The following ZNF280D variants were observed in gnomAD, a reference collection of about 807,000 sequenced individuals.
ZNF280D encodes zinc finger protein 280D.
Under a neutral mutation model 94.7 loss-of-function variants are expected in ZNF280D, and 39 were observed. The ratio of observed to expected loss-of-function variants is 0.41; its 90% confidence interval spans 0.32 to 0.54. The LOEUF is 0.54. ZNF280D is among the 20% of genes least tolerant of loss of function. The pLI is 0.22. For synonymous variants in ZNF280D, 398 were observed against 377.6 expected, an observed-to-expected ratio of 1.05 and a Z score of -0.63; for missense variants, 1,090 against 1,149.3, an observed-to-expected ratio of 0.95 and a Z score of 0.75.
intron 16 of ZNF280D, among the ~76,000 whole-genome samples, chr15:56,665,863 C>A (rs561084238): frequency 6.6e-6 from 1 of 152,280 alleles, no homozygotes; most frequent in African/African-American, 2.4e-5. Context: ...CAGCCGGGTG[C>A]AATGGCTCAT....
chr15:56,656,761 A>G (rs575674505), intron 17 of ZNF280D, among the ~76,000 whole-genome samples: 5 of 152,324 alleles, frequency 3.3e-5, no homozygotes, highest in African/African-American at 9.6e-5. Flanking sequence ...AACCACACAC[A>G]ATATAGTGAG....
At chr15:56,693,793 T>A (rs2056565115) in intron 6 of ZNF280D, among the ~76,000 whole-genome samples, 1 of 152,232 alleles carries the variant, frequency 6.6e-6, no homozygotes, top group East Asian at 1.9e-4. Flanking sequence ...TAAGGATGAA[T>A]ATATCACATA....
chr15:56,728,907 C>G (rs1183343326), intron 1 of ZNF280D, among the ~76,000 whole-genome samples: 13 of 152,088 alleles, frequency 8.5e-5, no homozygotes, highest in Admixed American at 8.5e-4. Context: ...ATGTTCTGTG[C>G]ATATTTGAGG....
intron 16 of ZNF280D, 30 bp downstream of exon 16, chr15:56,666,365 T>C (rs759855121): frequency 1.3e-5 from 21 of 1,594,992 alleles, no homozygotes; most frequent in East Asian, 4.6e-5. Flanking sequence ...ATAATTTTAA[T>C]TGGCAATTTA....
intron 13 of ZNF280D, among the ~76,000 whole-genome samples, chr15:56,674,177 A>C (rs2055061373): frequency 6.6e-6 from 1 of 152,042 alleles, no homozygotes; most frequent in Non-Finnish European, 1.5e-5. Flanking sequence ...AATGCATGTG[A>C]GTAGCATGTA....
Position 56,654,396 on chromosome 15 carries a change from A to G in ZNF280D, c.2165T>C (p.Val722Ala), listed in dbSNP as rs150058988. ...SQHKTHTCQVVMQKVSVCIPT... is the reference protein window; with the variant it reads ...SQHKTHTCQVAMQKVSVCIPT... ...TTACATATACGTACCTTTCTGCATT[A>G]CAACTTGGCAAGTATGAGTTTTATG... The change falls in exon 18 of 22, where the codon GTA becomes GCA. Residue 722 changes from valine (V) to alanine (A), a missense_variant. Transcript: ENST00000267807. 10 of 1,605,184 alleles carry G rather than the reference A, an allele frequency of 6.2e-6. No individual in the cohort carries two copies. The highest frequency in any genetic ancestry group is 8.5e-6 in the Non-Finnish European group (10 of 1,177,838).
At chr15:56,677,739 A>G (rs1323992130) in intron 11 of ZNF280D, 65 bp from the exon 12 acceptor site, 1 of 567,910 alleles carries the variant, frequency 1.8e-6, no homozygotes, top group East Asian at 4.8e-5. Flanking sequence ...AATTTTATAC[A>G]TCTATATCAA....
At chr15:56,721,151 CG>C (rs1421249700) in intron 1 of ZNF280D, among the ~76,000 whole-genome samples, 3 of 151,936 alleles carry the variant, frequency 2.0e-5, no homozygotes, top group Non-Finnish European at 4.4e-5. Context: ...TTAGTAGAGA[CG>C]GGGGTTTCAC....
In ZNF280D at chr15:56,689,387, C is replaced by T. The variant is rs774201353; in HGVS notation, c.583G>A (p.Glu195Lys). The T allele has an allele frequency of 4.9e-5, 79 of 1,609,632 alleles. No homozygotes were observed. In the Middle Eastern group the frequency reaches 5.0e-4, roughly 10 times the overall value. ...NVNPKKPKPSESVSGANSSAV... is the reference protein window; with the variant it reads ...NVNPKKPKPSKSVSGANSSAV... ...GAGGAATTTGCTCCAGAAACACTTTCGCTGGGTTTAGGCTTCTTTGGATTA... is the reference window on the plus strand; with the variant it reads ...GAGGAATTTGCTCCAGAAACACTTTTGCTGGGTTTAGGCTTCTTTGGATTA... Residue 195 changes from glutamate to lysine, a missense_variant, in exon 8 of 22, where the codon GAA becomes AAA. Glu to Lys is a moderately conservative substitution (Grantham distance 56). Coordinates refer to ENST00000267807, the MANE Select transcript of ZNF280D (RefSeq NM_017661.4).
intron 19 of ZNF280D, 173 bp from the exon 20 acceptor site, chr15:56,643,170 G>A (rs1048226879): frequency 1.0e-5 from 4 of 400,548 alleles, no homozygotes; most frequent in Non-Finnish European, 1.8e-5. Flanking sequence ...AAAGTTAAAC[G>A]TATGAGACTA....
At chr15:56,647,016 T>C (rs1224101865) in intron 19 of ZNF280D, among the ~76,000 whole-genome samples, 1 of 152,074 alleles carries the variant, frequency 6.6e-6, no homozygotes, top group Non-Finnish European at 1.5e-5. Context: ...AGCAAAGTAG[T>C]CCAAGATGAA....
intron 16 of ZNF280D, among the ~76,000 whole-genome samples, chr15:56,663,470 G>T (rs1200083055): frequency 6.6e-6 from 1 of 151,982 alleles, no homozygotes; most frequent in Non-Finnish European, 1.5e-5. Context: ...GAGAAAATCA[G>T]GCTTCTGTAT....
At chr15:56,639,158 C>T (rs2052498981) in intron 20 of ZNF280D, among the ~76,000 whole-genome samples, 1 of 151,200 alleles carries the variant, frequency 6.6e-6, no homozygotes, top group Non-Finnish European at 1.5e-5. Flanking sequence ...TAAAAAGTTA[C>T]AGAGCTCTTC....
intron 19 of ZNF280D, among the ~76,000 whole-genome samples, chr15:56,652,106 T>C (rs2053242702): frequency 6.6e-6 from 1 of 151,012 alleles, no homozygotes; most frequent in Non-Finnish European, 1.5e-5. Flanking sequence ...CTTGCGGAGA[T>C]TTTGGAAAAC....
chr15:56,726,859 G>C (rs2058653375), intron 1 of ZNF280D, among the ~76,000 whole-genome samples: 2 of 152,140 alleles, frequency 1.3e-5, no homozygotes, highest in South Asian at 2.1e-4. Context: ...CTCATGGCCT[G>C]TGAATTAAAC....
intron 1 of ZNF280D, among the ~76,000 whole-genome samples, chr15:56,714,094 C>A (rs2057912927): frequency 6.6e-6 from 1 of 152,118 alleles, no homozygotes; most frequent in Non-Finnish European, 1.5e-5. Context: ...ATCAATACTT[C>A]CTTTTGTGCC....
At chr15:56,679,107 T>A (rs7181745) in intron 10 of ZNF280D, among the ~76,000 whole-genome samples, 32,221 of 152,018 alleles carry the variant, frequency 0.21, 3,561 homozygotes, top group Middle Eastern at 0.36. Flanking sequence ...ATTTAAAAAA[T>A]TTTTTTAGAT....
intron 6 of ZNF280D, among the ~76,000 whole-genome samples, chr15:56,694,496 A>C (rs1459017449): frequency 1.3e-5 from 2 of 152,192 alleles, no homozygotes; most frequent in African/African-American, 2.4e-5. Context: ...TTTAGGAAAA[A>C]TATGGGCAAA....
chr15:56,674,885 G>C (rs554617343), intron 13 of ZNF280D, among the ~76,000 whole-genome samples: 1 of 152,040 alleles, frequency 6.6e-6, no homozygotes, highest in East Asian at 1.9e-4. Context: ...AGTTACAACT[G>C]AGTTCTTCAA....
Sources: allele counts gnomAD v4.1 joint callset (sites outside exome capture counted in the v4.1 genomes callset), GRCh38; gene constraint gnomAD v4.1.1; transcripts MANE v1.5; gene names NCBI Gene and HGNC (gene_info 2026-07-23, HGNC 2026-07-21).